Variants in AGBL3 observed in about 807,000 individuals in gnomAD.
AGBL3 encodes cytosolic carboxypeptidase 3.
A neutral mutation model predicts 94.5 loss-of-function variants in AGBL3; 68 were observed. The ratio of observed to expected loss-of-function variants is 0.72; its 90% CI spans 0.59 to 0.88. The LOEUF (loss-of-function observed/expected upper bound fraction) is 0.88, where lower values mean the gene tolerates loss of function less well. Ranked by LOEUF, AGBL3 falls within the 40% of genes least tolerant of loss-of-function variation. AGBL3 has a pLI of 0.00. For synonymous variants in AGBL3, 354 were observed against 370.7 expected (o/e 0.95, Z 0.52); for missense variants, 934 against 1,103.8 (o/e 0.85, Z 2.18).
At chr7:135,050,745 G>C (rs958265870) in intron 11 of AGBL3, among the ~76,000 whole-genome samples, 1 of 151,756 alleles carries the variant, frequency 6.6e-6, no homozygotes, top group African/African-American at 2.4e-5. Flanking sequence ...CTCTCTTTTA[G>C]TTACCATTTT....
chr7:134,987,195 T>G (rs1052281364), intron 1 of AGBL3, among the ~76,000 whole-genome samples: 2 of 152,212 alleles, frequency 1.3e-5, no homozygotes, highest in African/African-American at 2.4e-5. Flanking sequence ...CAAAACACGC[T>G]TCCTGTAGAG....
intron 15 of AGBL3, 47 bp downstream of exon 15, chr7:135,081,837 C>A: frequency 8.2e-7 from 1 of 1,220,952 alleles, no homozygotes; most frequent in Non-Finnish European, 1.1e-6. Context: ...CCCCTATGAT[C>A]TGAATGTTAT....
Position 135,034,167 on chromosome 7 carries a change from A to C in AGBL3, c.576A>C (p.Gln192His), listed in dbSNP as rs1365701522. The C allele has an allele frequency of 5.2e-6, 8 of 1,548,550 alleles. No individual in the cohort carries two copies. Among genetic ancestry groups the C allele is most frequent in the Non-Finnish European group, 7.0e-6 (8 of 1,145,320 alleles). Reference protein sequence around the residue: ...KVVKVAEYEYQLTVRPDLFTN... With the variant: ...KVVKVAEYEYHLTVRPDLFTN... ...GTATTAGGGCAGAATACGAATACCA[A>C]TTGACTGTACGCCCTGACCTCTTCA... The change falls in exon 7 of 17, where the codon CAA (glutamine) becomes CAC (histidine). Residue 192 changes from glutamine to histidine, a missense_variant. By Grantham distance (24) the Gln-to-His change is conservative (BLOSUM62 0). This residue lies in a region of AGBL3 where 488 missense variants were observed against 563.6 expected (regional missense o/e 0.87). Coordinates refer to ENST00000436302, the MANE Select transcript of AGBL3 (RefSeq NM_178563.4).
rs1710016102 is a variant in AGBL3 at position 135,034,056 on chromosome 7, T to C, written c.558-93T>C. 1.3e-5 allele frequency: 14 copies of C among 1,109,120 alleles called. No individual in the cohort carries two copies. In the South Asian group the frequency reaches 2.3e-4, roughly 18 times the overall value. The allele number at this position is 1,109,120 out of a possible 1,614,324, so 68.7% of individuals were successfully genotyped here. A position where few individuals can be genotyped will look rare whatever the true frequency, so the allele number is the denominator to read the frequency against. ...TGAATGAGTAAAAATAAAATAATTT[T>C]CCTTATTTAACTCAAAATTTTACAT... On this transcript the variant is annotated intron_variant, in intron 6 of 16. Coordinates refer to ENST00000436302, the MANE Select transcript of AGBL3 (RefSeq NM_178563.4).
In AGBL3 at chr7:135,135,228, C is replaced by A. The variant is rs777074885; in HGVS notation, c.2730C>A (p.Pro910=). Residue 910 remains proline (P), a synonymous_variant, in exon 17 of 17, where the codon CCC becomes CCA. Transcript: ENST00000436302. The part of the protein sequence containing the change: ...DEQANKNDGQ[P]TLYLKFQRES ...AGGCCAATAAGAATGATGGACAACC[C>A]ACCTTATATCTGAAGTTCCAAAGGG... 2.3e-4 allele frequency: 351 copies of A among 1,532,642 alleles called. 2 individuals carry two copies. Among genetic ancestry groups the A allele is most frequent in the Non-Finnish European group, 2.8e-4 (320 of 1,139,598 alleles). 94.9% of individuals were successfully genotyped at this position (1,532,642 alleles called of 1,614,324 possible). A position where few individuals can be genotyped will look rare whatever the true frequency, so the allele number is the denominator to read the frequency against.
chr7:135,128,847 T>C (rs1828325849), intron 16 of AGBL3: 13 of 1,204,514 alleles, frequency 1.1e-5, no homozygotes, highest in South Asian at 6.1e-5. Context: ...TGTGGAATCA[T>C]TGTTAAATAT....
At chr7:135,074,785 C>A (rs1354511777) in intron 12 of AGBL3, among the ~76,000 whole-genome samples, 2 of 152,132 alleles carry the variant, frequency 1.3e-5, no homozygotes, top group Non-Finnish European at 2.9e-5. Context: ...TACACACACA[C>A]CCTCTGGAGT....
At chr7:134,992,018 G>C (rs538710149) in intron 3 of AGBL3, among the ~76,000 whole-genome samples, 2 of 152,254 alleles carry the variant, frequency 1.3e-5, no homozygotes, top group East Asian at 3.9e-4. Flanking sequence ...TTATGTTTTT[G>C]TATTTTATCT....
chr7:135,036,835 A>T (rs1816357539), intron 7 of AGBL3, among the ~76,000 whole-genome samples: 1 of 152,232 alleles, frequency 6.6e-6, no homozygotes, highest in Non-Finnish European at 1.5e-5. Context: ...GAGTGAAAAC[A>T]TCAAAATAAT....
intron 15 of AGBL3, among the ~76,000 whole-genome samples, chr7:135,107,715 T>C (rs919868692): frequency 6.6e-6 from 1 of 152,216 alleles, no homozygotes; most frequent in Non-Finnish European, 1.5e-5. Context: ...GAGAGTTCTG[T>C]AGATGTCTAT....
chr7:134,999,121 A>G (rs1269863198), intron 4 of AGBL3, among the ~76,000 whole-genome samples: 3 of 152,162 alleles, frequency 2.0e-5, no homozygotes, highest in Non-Finnish European at 4.4e-5. Context: ...ATTAGACACT[A>G]TGGGCTGTAA....
chr7:135,018,972 G>T (rs1019457835), intron 5 of AGBL3, among the ~76,000 whole-genome samples: 1 of 152,126 alleles, frequency 6.6e-6, no homozygotes, highest in African/African-American at 2.4e-5. Flanking sequence ...ACCCCAGAAA[G>T]TTCCCATCTC....
chr7:135,069,231 T>A (rs1297049918), intron 12 of AGBL3, among the ~76,000 whole-genome samples: 1 of 152,036 alleles, frequency 6.6e-6, no homozygotes, highest in Non-Finnish European at 1.5e-5. Context: ...ATAAAGCAAG[T>A]CCTTAGAGAC....
intron 5 of AGBL3, among the ~76,000 whole-genome samples, chr7:135,027,826 A>G (rs979552751): frequency 6.6e-6 from 1 of 151,728 alleles, no homozygotes; most frequent in Non-Finnish European, 1.5e-5. Flanking sequence ...TTACATACAT[A>G]TAACAAAATT....
At chr7:135,122,071 G>A (rs916135338) in intron 16 of AGBL3, among the ~76,000 whole-genome samples, 8 of 152,210 alleles carry the variant, frequency 5.3e-5, no homozygotes, top group Non-Finnish European at 1.0e-4. Context: ...TGTCTAAGCC[G>A]TTTGAGTTCC....
chr7:135,044,063 C>T lies in AGBL3; in HGVS notation c.1539C>T (p.Ser513=). The T allele has an allele frequency of 6.5e-7, 1 of 1,550,138 alleles. No individual in the cohort carries two copies. The highest frequency in any genetic ancestry group is 8.7e-7 in the Non-Finnish European group (1 of 1,145,794). The change falls in exon 9 of 17, where the codon AGC becomes AGT. Residue 513 remains serine (S), a synonymous_variant. Transcript: ENST00000436302. ...FSACKFNVQK[S]KEGTGRVVMW... is the part of the protein sequence containing the mutation. ...CTTGCAAGTTTAATGTCCAGAAGAG[C>T]AAAGAAGGAACAGGAAGGGTGGTAA...
chr7:135,082,433 ACTCTTTTTTATTG>A (rs1820995619), intron 15 of AGBL3, among the ~76,000 whole-genome samples: 1 of 151,908 alleles, frequency 6.6e-6, no homozygotes, highest in Non-Finnish European at 1.5e-5. Flanking sequence ...ATTTTATTTT[ACTCTTTTTTATTG>A]CTATTCAAGC....
In AGBL3 at chr7:134,989,360, T is replaced by G. The variant is rs867573609; in HGVS notation, c.124+50T>G. On this transcript the variant is annotated intron_variant, in intron 3 of 16. Coordinates refer to ENST00000436302, the MANE Select transcript of AGBL3 (RefSeq NM_178563.4). ...TGTTTAGCATAAAACTTTGAATGGA[T>G]AAAAAAGAAGATGAGGAAACTAAAA... The G allele has an allele frequency of 7.2e-5, 93 of 1,284,734 alleles. No individual in the cohort carries two copies. The African/African-American group carries it at 1.2e-3, about 16-fold the overall frequency. 79.6% of individuals were successfully genotyped at this position (1,284,734 alleles called of 1,614,324 possible).
intron 4 of AGBL3, among the ~76,000 whole-genome samples, chr7:135,000,140 A>G (rs557539206): frequency 6.6e-6 from 1 of 152,316 alleles, no homozygotes; most frequent in South Asian, 2.1e-4. Context: ...GCACTGCCTT[A>G]TTAGAGTGTT....
Sources: allele counts gnomAD v4.1 joint callset (sites outside exome capture counted in the v4.1 genomes callset), GRCh38; gene constraint gnomAD v4.1.1; regional missense constraint gnomAD v4.1.1; transcripts MANE v1.5; gene names NCBI Gene and HGNC (gene_info 2026-07-23, HGNC 2026-07-21).